TTC1: variants seen among roughly 807,000 people sequenced by gnomAD.
TTC1 encodes the protein tetratricopeptide repeat protein 1.
Under a neutral mutation model 37.6 loss-of-function variants are expected in TTC1, and 31 were observed. That is an observed-to-expected ratio of 0.82 (90% confidence interval 0.62 to 1.11). The LOEUF (loss-of-function observed/expected upper bound fraction) is 1.11. TTC1 is among the 50% of genes most tolerant of loss of function. TTC1 has a pLI of 0.00. For synonymous variants in TTC1, 127 were observed against 122.4 expected, an observed-to-expected ratio of 1.04 and a Z score of -0.25; for missense variants, 351 against 339.0, an observed-to-expected ratio of 1.04 and a Z score of -0.28.
At chr5:160,014,069 A>G (rs1002703990) in intron 2 of TTC1, among the ~76,000 whole-genome samples, 1 of 152,048 alleles carries the variant, frequency 6.6e-6, no homozygotes, top group Non-Finnish European at 1.5e-5. Flanking sequence ...ATTAATTTAA[A>G]TAGTCATACG....
At chr5:160,018,701 G>A (rs1037120829) in intron 2 of TTC1, among the ~76,000 whole-genome samples, 6 of 152,144 alleles carry the variant, frequency 3.9e-5, no homozygotes, top group Admixed American at 6.5e-5. Context: ...AGGGAGAGAC[G>A]GAAGTTATTT....
At chr5:160,027,073 G>C (rs2113358247) in intron 2 of TTC1, among the ~76,000 whole-genome samples, 1 of 150,594 alleles carries the variant, frequency 6.6e-6, no homozygotes, top group Admixed American at 6.6e-5. Flanking sequence ...TTGTTGCCCA[G>C]GCTGGAGTAC....
intron 2 of TTC1, chr5:160,024,026 T>TTCTTGCAG: frequency 7.3e-7 from 1 of 1,373,248 alleles, no homozygotes; most frequent in South Asian, 1.2e-5. Context: ...ACAGCCACAC[T>TTCTTGCAG]TCTTGCAGGT....
At chr5:160,040,918 A>G (rs1432188734) in intron 4 of TTC1, among the ~76,000 whole-genome samples, 1 of 150,130 alleles carries the variant, frequency 6.7e-6, no homozygotes, top group Admixed American at 6.6e-5. Context: ...CTATATCTTT[A>G]TTCTATATAC....
At position 160,010,486 on chromosome 5, in the gene TTC1, T is replaced by C. The variant is rs377162961; in HGVS notation, c.-29-14T>C. 6.4e-7 allele frequency: 1 copy of C among 1,560,588 alleles called. No individual in the cohort carries two copies. Among genetic ancestry groups the C allele is most frequent in the African/African-American group, 1.4e-5 (1 of 73,144 alleles). On this transcript the variant is annotated splice_polypyrimidine_tract_variant and intron_variant, in intron 1 of 7. Transcript: ENST00000231238. Reference sequence around the variant, plus strand: ...AGCACCATTATATAGCAGTTTTGTTTTGTTTTCCCCCAGCTTTAGCGTCAC... The same window carrying C: ...AGCACCATTATATAGCAGTTTTGTTCTGTTTTCCCCCAGCTTTAGCGTCAC...
chr5:160,011,554 G>A (rs1361576880), intron 2 of TTC1, among the ~76,000 whole-genome samples: 1 of 152,212 alleles, frequency 6.6e-6, no homozygotes, highest in Non-Finnish European at 1.5e-5. Flanking sequence ...AATCAAATCT[G>A]TTGGATTCCA....
In TTC1 at chr5:160,020,055, A is replaced by G. The variant is rs186265048; in HGVS notation, c.330+9197A>G. Among the ~76,000 whole-genome samples the G allele has an allele frequency of 7.4e-3, 1,123 of 151,538 alleles. 14 individuals are homozygous for G. Among genetic ancestry groups the G allele is most frequent in the African/African-American group, 0.026 (1,071 of 41,308 alleles). ...GTGATTCTCCTGCCTCAGCCTCCCA[A>G]GTAGCTGGGATTACAGGTGCCCACC... On this transcript the variant is annotated intron_variant, in intron 2 of 7. Coordinates refer to ENST00000231238, the MANE Select transcript of TTC1 (RefSeq NM_003314.3).
intron 4 of TTC1, among the ~76,000 whole-genome samples, chr5:160,038,060 A>G (rs1012203587): frequency 6.6e-6 from 1 of 151,696 alleles, no homozygotes; most frequent in Non-Finnish European, 1.5e-5. Flanking sequence ...GGGTGCTTGA[A>G]TGCTTGGACA....
intron 2 of TTC1, among the ~76,000 whole-genome samples, chr5:160,029,102 A>G (rs958661386): frequency 6.6e-6 from 1 of 152,162 alleles, no homozygotes; most frequent in South Asian, 2.1e-4. Context: ...TTCTTGTAGG[A>G]TAGAGCAAAT....
At position 160,051,122 on chromosome 5, in the gene TTC1, T is replaced by G. The variant is rs1210926775; in HGVS notation, c.691-7T>G. On this transcript the variant is annotated splice_polypyrimidine_tract_variant and splice_region_variant and intron_variant, in intron 6 of 7. Coordinates refer to ENST00000231238, the MANE Select transcript of TTC1 (RefSeq NM_003314.3). ...TTACCAACCCTTGTTTCTCCTCTTT[T>G]CCTCAGAGATTACCTAAGCAAATTG... is the stretch of plus-strand genomic sequence containing the variant. 1 of 1,596,694 alleles carries G rather than the reference T, an allele frequency of 6.3e-7. No individual in the cohort carries two copies. The highest frequency in any genetic ancestry group is 8.5e-7 in the Non-Finnish European group (1 of 1,172,608).
intron 2 of TTC1, among the ~76,000 whole-genome samples, chr5:160,022,015 G>A (rs1182767612): frequency 1.3e-5 from 2 of 152,194 alleles, no homozygotes; most frequent in South Asian, 2.1e-4. Flanking sequence ...TCACAAAACT[G>A]CAGAGGGCAG....
chr5:160,009,367 GT>G (rs1756452327), intron 1 of TTC1, among the ~76,000 whole-genome samples, 174 bp downstream of exon 1: 1 of 152,206 alleles, frequency 6.6e-6, no homozygotes, highest in East Asian at 1.9e-4. Flanking sequence ...CGAAGTCTCC[GT>G]ATTAAGATCT....
intron 2 of TTC1, among the ~76,000 whole-genome samples, chr5:160,023,290 C>A (rs1054925670): frequency 6.9e-6 from 1 of 144,070 alleles, no homozygotes; most frequent in Admixed American, 6.9e-5. Context: ...AATTGGTTTT[C>A]TTTCTTTTTT....
At chr5:160,022,072 G>A (rs560525635) in intron 2 of TTC1, among the ~76,000 whole-genome samples, 62 of 152,280 alleles carry the variant, frequency 4.1e-4, no homozygotes, top group Non-Finnish European at 6.0e-4. Context: ...GCTTGCCGGA[G>A]TGAGAGTCTT....
At position 160,065,174 on chromosome 5, in the gene TTC1, G is replaced by A; in HGVS notation, c.*109G>A. The stretch of plus-strand genomic sequence containing the variant: ...ACTTTTAAAAGCATCTTATCTAAAA[G>A]AAAGGCTATCCAGTAGAGCCCAGTG... On this transcript the variant is annotated 3_prime_UTR_variant, in exon 8 of 8. Transcript: ENST00000231238. The A allele has an allele frequency of 1.4e-6, 2 of 1,469,784 alleles. No individual in the cohort carries two copies. The highest frequency in any genetic ancestry group is 1.8e-6 in the Non-Finnish European group (2 of 1,088,340). The allele number at this position is 1,469,784 out of a possible 1,614,324, so 91.0% of individuals were successfully genotyped here.
intron 5 of TTC1, among the ~76,000 whole-genome samples, chr5:160,044,501 G>A (rs1021690628): frequency 2.0e-5 from 3 of 152,198 alleles, no homozygotes; most frequent in Admixed American, 1.3e-4. Flanking sequence ...AGAACTGAGG[G>A]TCCCTCCCCT....
At chr5:160,058,898 G>A (rs928320009) in intron 7 of TTC1, among the ~76,000 whole-genome samples, 1 of 152,124 alleles carries the variant, frequency 6.6e-6, no homozygotes, top group African/African-American at 2.4e-5. Flanking sequence ...CTTCTTTTCT[G>A]AACAGTAGGT....
chr5:160,050,259 C>A (rs561317415), intron 6 of TTC1, among the ~76,000 whole-genome samples: 1 of 152,106 alleles, frequency 6.6e-6, no homozygotes, highest in Non-Finnish European at 1.5e-5. Context: ...ACCAGCCTGA[C>A]CAACATGGAG....
At chr5:160,034,232 ACT>A (rs933267105) in intron 2 of TTC1, among the ~76,000 whole-genome samples, 4 of 148,754 alleles carry the variant, frequency 2.7e-5, no homozygotes, top group African/African-American at 1.0e-4. Context: ...AGGCATACAG[ACT>A]CTTCTGGTTT....
Sources: gnomAD v4.1 joint callset for allele counts (sites outside exome capture counted in the v4.1 genomes callset) on GRCh38, gnomAD v4.1.1 for gene constraint, MANE v1.5 for transcripts, NCBI Gene and HGNC (gene_info 2026-07-23, HGNC 2026-07-21) for gene names.